The following PNOC variants were observed in gnomAD, a reference collection of about 807,000 sequenced individuals.
PNOC encodes prepronociceptin, also known as nociceptin.
A neutral mutation model predicts 15.6 loss-of-function variants in PNOC; 10 were observed. The observed-to-expected ratio is 0.64, with a 90% CI of 0.40 to 1.09. PNOC has a LOEUF of 1.09. Ranked by LOEUF, PNOC falls within the 50% of genes least tolerant of loss-of-function variation. The pLI is 0.01. For missense variants in PNOC, 220 were observed against 223.9 expected (o/e 0.98, Z 0.11); for synonymous variants, 98 against 88.5 (o/e 1.11, Z -0.60).
intron 2 of PNOC, among the ~76,000 whole-genome samples, chr8:28,333,998 T>C (rs1801371026): frequency 6.6e-6 from 1 of 151,952 alleles, no homozygotes; most frequent in South Asian, 2.1e-4. Flanking sequence ...GTGGGGGTTG[T>C]CCTGGGCACT....
At chr8:28,327,248 G>C (rs2722903) in intron 1 of PNOC, among the ~76,000 whole-genome samples, 49,602 of 152,168 alleles carry the variant, frequency 0.33, 9,965 homozygotes, top group Non-Finnish European at 0.46. Flanking sequence ...ACAGTACAGG[G>C]AAGCATCTTT....
chr8:28,328,229 G>A (rs937151833), intron 1 of PNOC, among the ~76,000 whole-genome samples: 12 of 151,306 alleles, frequency 7.9e-5, no homozygotes, highest in East Asian at 1.9e-4. Flanking sequence ...CACCACACCC[G>A]GATATATATA....
chr8:28,326,966 C>A (rs570795016), intron 1 of PNOC, among the ~76,000 whole-genome samples: 1 of 152,310 alleles, frequency 6.6e-6, no homozygotes, highest in South Asian at 2.1e-4. Flanking sequence ...CTGCAGGGTG[C>A]ATTGGAGTAC....
intron 1 of PNOC, among the ~76,000 whole-genome samples, chr8:28,322,141 AC>A (rs1282737563): frequency 6.6e-6 from 1 of 152,058 alleles, no homozygotes; most frequent in Non-Finnish European, 1.5e-5. Flanking sequence ...TAATCCCAGC[AC>A]CTTAGGGAGG....
chr8:28,322,862 C>T (rs1370783057), intron 1 of PNOC, among the ~76,000 whole-genome samples: 1 of 152,188 alleles, frequency 6.6e-6, no homozygotes, highest in East Asian at 1.9e-4. Context: ...TGCTTAACCT[C>T]TAAGAGTTTA....
Position 28,342,950 on chromosome 8 carries a change from G to T in PNOC, c.*56G>T, listed in dbSNP as rs939953307. 1.0e-6 allele frequency: 1 copy of T among 985,098 alleles called. No homozygotes were observed. Among genetic ancestry groups the T allele is most frequent in the South Asian group, 4.7e-5 (1 of 21,286 alleles). The allele number at this position is 985,098 out of a possible 1,614,324, so 61.0% of individuals were successfully genotyped here. On this transcript the variant is annotated 3_prime_UTR_variant, in exon 4 of 4. Transcript: ENST00000301908. The stretch of plus-strand genomic sequence containing the variant: ...CATTTCTGTCTCCCCAGGCGTCCAG[G>T]TGATCCCCCAAACAGCATGTGCTCA...
At chr8:28,321,888 A>G (rs562654589) in intron 1 of PNOC, among the ~76,000 whole-genome samples, 55 of 152,216 alleles carry the variant, frequency 3.6e-4, no homozygotes, top group Admixed American at 1.4e-3. Context: ...CTTGAAGTGT[A>G]ATTGTATCAG....
At chr8:28,338,409 T>C (rs1396158714) in intron 2 of PNOC, among the ~76,000 whole-genome samples, 2 of 152,026 alleles carry the variant, frequency 1.3e-5, no homozygotes, top group Non-Finnish European at 2.9e-5. Context: ...TCCCCACACC[T>C]GGAACTGGAT....
At chr8:28,325,115 G>A (rs1307436634) in intron 1 of PNOC, among the ~76,000 whole-genome samples, 2 of 152,158 alleles carry the variant, frequency 1.3e-5, no homozygotes, top group East Asian at 1.9e-4. Flanking sequence ...AGATGAGAAA[G>A]CGCATATCAC....
At chr8:28,321,420 A>G (rs1801150317) in intron 1 of PNOC, among the ~76,000 whole-genome samples, 2 of 152,072 alleles carry the variant, frequency 1.3e-5, no homozygotes, top group Non-Finnish European at 2.9e-5. Flanking sequence ...ATGGGAGTTG[A>G]GAGCTACCTT....
chr8:28,343,014 C>A lies in PNOC; in HGVS notation c.*120C>A. 1 of 985,296 alleles carries A rather than the reference C, an allele frequency of 1.0e-6. No homozygotes were observed. Among genetic ancestry groups the A allele is most frequent in the Non-Finnish European group, 1.2e-6 (1 of 829,746 alleles). The allele number at this position is 985,296 out of a possible 1,614,324, so 61.0% of individuals were successfully genotyped here. ...CGCCTGGGAATCAGGATTCCTTCTT[C>A]CCCAAGGCACTGAGCGCCTGCAGAT... is the stretch of plus-strand genomic sequence containing the variant. On this transcript the variant is annotated 3_prime_UTR_variant, in exon 4 of 4. Transcript: ENST00000301908.
At chr8:28,322,278 G>C (rs1801163067) in intron 1 of PNOC, among the ~76,000 whole-genome samples, 2 of 151,958 alleles carry the variant, frequency 1.3e-5, no homozygotes, top group Admixed American at 1.3e-4. Context: ...TGTAATCCCA[G>C]CTACTCAGGA....
intron 2 of PNOC, among the ~76,000 whole-genome samples, chr8:28,337,950 T>C (rs1801441914): frequency 6.6e-6 from 1 of 152,150 alleles, no homozygotes; most frequent in Admixed American, 6.5e-5. Context: ...GGGAAACATA[T>C]ACGTTGCCTT....
At chr8:28,330,021 A>G (rs1801295471) in intron 2 of PNOC, among the ~76,000 whole-genome samples, 1 of 152,086 alleles carries the variant, frequency 6.6e-6, no homozygotes, top group Admixed American at 6.6e-5. Flanking sequence ...ATCTCAGTTC[A>G]CTGCAACATC....
intron 2 of PNOC, 79 bp downstream of exon 2, chr8:28,329,362 A>G: frequency 6.4e-7 from 1 of 1,552,580 alleles, no homozygotes; most frequent in Non-Finnish European, 8.7e-7. Context: ...GCAGACTCTG[A>G]GTGAGAAGCC....
chr8:28,334,648 C>A (rs927259353), intron 2 of PNOC, among the ~76,000 whole-genome samples: 13 of 152,138 alleles, frequency 8.5e-5, no homozygotes, highest in African/African-American at 2.9e-4. Context: ...GCATGCACCA[C>A]CACACCCCAC....
Position 28,326,034 on chromosome 8 carries a change from A to G in PNOC, c.-23-3101A>G, listed in dbSNP as rs1048329122. 6.6e-5 allele frequency among the ~76,000 whole-genome samples: 10 copies of G among 152,234 alleles called. No individual in the cohort carries two copies. In the South Asian group the frequency reaches 1.2e-3, roughly 19 times the overall value. On this transcript the variant is annotated intron_variant, in intron 1 of 3. Transcript: ENST00000301908. ...CATTTATGTAGGCACTGTGTTCATT[A>G]TTTGTTTCAAAACCCGTCTCAAATG...
chr8:28,336,780 T>A (rs1385100313), intron 2 of PNOC, among the ~76,000 whole-genome samples: 2 of 151,406 alleles, frequency 1.3e-5, no homozygotes, highest in African/African-American at 4.9e-5. Context: ...GGAGATCAGT[T>A]AGGGACCCAC....
At chr8:28,320,400 C>T (rs1016214484) in intron 1 of PNOC, among the ~76,000 whole-genome samples, 7 of 152,126 alleles carry the variant, frequency 4.6e-5, no homozygotes, top group Admixed American at 2.0e-4. Flanking sequence ...GTGGCCAGAG[C>T]GCTGGCTTCC....
Sources: gnomAD v4.1 joint callset for allele counts (sites outside exome capture counted in the v4.1 genomes callset) on GRCh38, gnomAD v4.1.1 for gene constraint, MANE v1.5 for transcripts, NCBI Gene and HGNC (gene_info 2026-07-23, HGNC 2026-07-21) for gene names.